RMND5A: variants seen among roughly 807,000 people sequenced by gnomAD.
The protein encoded by RMND5A is E3 ubiquitin-protein transferase RMND5A.
Under a neutral mutation model 49.7 loss-of-function variants are expected in RMND5A, and 17 were observed. The observed-to-expected ratio is 0.34, with a 90% CI of 0.23 to 0.51. RMND5A has a LOEUF of 0.51. Among genes scored for constraint, RMND5A ranks in the 20% least tolerant of loss-of-function variants. The pLI is 0.96. For synonymous variants in RMND5A, 156 were observed against 167.7 expected, an observed-to-expected ratio of 0.93 and a Z score of 0.54; for missense variants, 255 against 471.3, an observed-to-expected ratio of 0.54 and a Z score of 4.25.
chr2:86,768,932 A>G (rs954055095), intron 6 of RMND5A, among the ~76,000 whole-genome samples: 1 of 152,152 alleles, frequency 6.6e-6, no homozygotes, highest in Non-Finnish European at 1.5e-5. Flanking sequence ...CTAATGTAAG[A>G]TTATTATGAA....
intron 1 of RMND5A, among the ~76,000 whole-genome samples, chr2:86,724,056 C>T (rs1681259717): frequency 6.6e-6 from 1 of 151,190 alleles, no homozygotes; most frequent in African/African-American, 2.5e-5. Context: ...CCACCTCTGG[C>T]CAAATCCGTC....
rs778367566 is a variant in RMND5A at position 86,751,926 on chromosome 2, A to G, written c.316A>G (p.Ile106Val). ...NFDSDISSVG[I>V]DGCWQADSQR... is the part of the protein sequence containing the mutation. Reference sequence around the variant, plus strand: ...TGATTCTGACATTAGCAGTGTGGGAATAGATGGCTGCTGGCAGGCAGACAG... The same window carrying G: ...TGATTCTGACATTAGCAGTGTGGGAGTAGATGGCTGCTGGCAGGCAGACAG... Residue 106 changes from isoleucine to valine, a missense_variant, in exon 3 of 9, where the codon ATA becomes GTA. This residue lies in a region of RMND5A where 5 missense variants were observed against 71.5 expected (regional missense o/e 0.07). Transcript: ENST00000283632. 3 of 1,613,836 alleles carry G rather than the reference A, an allele frequency of 1.9e-6. No individual in the cohort carries two copies. Among genetic ancestry groups the G allele is most frequent in the Admixed American group, 1.7e-5 (1 of 60,000 alleles).
chr2:86,721,337 A>C (rs181550441), intron 1 of RMND5A, among the ~76,000 whole-genome samples: 4 of 151,994 alleles, frequency 2.6e-5, no homozygotes, highest in African/African-American at 9.7e-5. Context: ...CGTTATTCTT[A>C]GCTGTGGGTT....
At chr2:86,765,408 A>G (rs1301991023) in intron 5 of RMND5A, 4 of 456,968 alleles carry the variant, frequency 8.8e-6, no homozygotes, top group Non-Finnish European at 1.5e-5. Flanking sequence ...ATTCCATATT[A>G]AACTTAGAGG....
chr2:86,746,926 A>G (rs2138397), intron 2 of RMND5A, among the ~76,000 whole-genome samples: 83,069 of 152,116 alleles, frequency 0.55, 24,371 homozygotes, highest in East Asian at 0.81. Context: ...GAGAATATGG[A>G]ATGTCTACAT....
chr2:86,758,778 T>C (rs1681791596), intron 4 of RMND5A, among the ~76,000 whole-genome samples: 1 of 152,236 alleles, frequency 6.6e-6, no homozygotes, highest in Non-Finnish European at 1.5e-5. Flanking sequence ...TGAAAATATC[T>C]AAGAAATGAA....
chr2:86,768,352 G>T lies in RMND5A; in HGVS notation c.855-1671G>T, dbSNP rs574519860. Among the ~76,000 whole-genome samples, 5 of 152,316 alleles carry T rather than the reference G, an allele frequency of 3.3e-5. No individual in the cohort carries two copies. The East Asian group carries it at 9.6e-4, about 29-fold the overall frequency. The stretch of plus-strand genomic sequence containing the variant: ...CTGTGGGCACTGTGTTGGATATGAA[G>T]ATGAATAAGGTGCATTCCACAGGGT... On this transcript the variant is annotated intron_variant, in intron 6 of 8. Coordinates refer to ENST00000283632, the MANE Select transcript of RMND5A (RefSeq NM_022780.4).
At chr2:86,744,811 C>G (rs1300325261) in intron 2 of RMND5A, among the ~76,000 whole-genome samples, 1 of 152,090 alleles carries the variant, frequency 6.6e-6, no homozygotes, top group African/African-American at 2.4e-5. Flanking sequence ...GCATCCAAGT[C>G]CCAGACAAGT....
chr2:86,759,361 C>G (rs1172616389), intron 4 of RMND5A, among the ~76,000 whole-genome samples: 1 of 152,040 alleles, frequency 6.6e-6, no homozygotes, highest in Admixed American at 6.6e-5. Flanking sequence ...CTAACTTAGT[C>G]TTCTCATAAG....
intron 4 of RMND5A, among the ~76,000 whole-genome samples, chr2:86,758,848 T>G (rs1681793059): frequency 6.6e-6 from 1 of 152,236 alleles, no homozygotes; most frequent in African/African-American, 2.4e-5. Flanking sequence ...CTTTTTTGAC[T>G]GAACTTTTTG....
Position 86,770,149 on chromosome 2 carries a change from ATTTACT to A in RMND5A, c.957+31_957+36del, listed in dbSNP as rs773294626. The A allele has an allele frequency of 8.1e-6, 12 of 1,484,012 alleles. 1 individual carries two copies. The South Asian group carries it at 1.4e-4, about 17-fold the overall frequency. 91.9% of individuals were successfully genotyped at this position (1,484,012 alleles called of 1,614,324 possible). A position where few individuals can be genotyped will look rare whatever the true frequency, so the allele number is the denominator to read the frequency against. The stretch of plus-strand genomic sequence containing the variant: ...CTGTGAGTTCCATTTTCTATTGGCT[ATTTACT>A]TTTACTGCCATTAGAAGAATATGGC... On this transcript the variant is annotated intron_variant, in intron 7 of 8. Coordinates refer to ENST00000283632, the MANE Select transcript of RMND5A (RefSeq NM_022780.4).
chr2:86,757,261 A>G (rs887760354), intron 4 of RMND5A, among the ~76,000 whole-genome samples: 1 of 150,510 alleles, frequency 6.6e-6, no homozygotes, highest in Admixed American at 6.6e-5. Context: ...TATTGTGGAG[A>G]GAAGTGGCAG....
At chr2:86,753,418 T>A in intron 3 of RMND5A, 40 bp from the exon 4 acceptor site, 1 of 1,221,724 alleles carries the variant, frequency 8.2e-7, no homozygotes. Flanking sequence ...CTTACCCTGA[T>A]TACTGCTAAC....
chr2:86,766,548 C>T (rs2104409067), intron 6 of RMND5A, among the ~76,000 whole-genome samples: 2 of 151,366 alleles, frequency 1.3e-5, no homozygotes, highest in African/African-American at 4.9e-5. Context: ...CCTTTAATCC[C>T]AGCTAGTCGG....
Sources: gnomAD v4.1 joint callset for allele counts (sites outside exome capture counted in the v4.1 genomes callset) on GRCh38, gnomAD v4.1.1 for gene constraint, gnomAD v4.1.1 regional missense constraint, MANE v1.5 for transcripts, NCBI Gene and HGNC (gene_info 2026-07-23, HGNC 2026-07-21) for gene names.